TOM1L2: variants seen among roughly 807,000 people sequenced by gnomAD.
The protein encoded by TOM1L2 is target of myb1 like 2 membrane trafficking protein.
TOM1L2 carries 31 observed loss-of-function variants against 67.9 expected under a neutral mutation model. That is an observed-to-expected ratio of 0.46 (90% CI 0.34 to 0.62). TOM1L2 has a LOEUF of 0.62. Ranked by LOEUF, TOM1L2 falls within the 20% of genes least tolerant of loss-of-function variation. TOM1L2 has a pLI of 0.01. For synonymous variants in TOM1L2, 256 were observed against 254.0 expected, an observed-to-expected ratio of 1.01 and a Z score of -0.07; for missense variants, 606 against 663.5, an observed-to-expected ratio of 0.91 and a Z score of 0.95.
intron 4 of TOM1L2, among the ~76,000 whole-genome samples, chr17:17,889,688 A>G (rs752144027): frequency 2.2e-4 from 34 of 152,172 alleles, no homozygotes; most frequent in Non-Finnish European, 1.5e-5. Flanking sequence ...CTACTTTTCC[A>G]TAATGGAAAG....
chr17:17,869,073 G>A (rs1043060531), intron 8 of TOM1L2: 20 of 491,202 alleles, frequency 4.1e-5, no homozygotes, highest in African/African-American at 3.7e-4. Context: ...TGGCGGGGCA[G>A]TGGGGAAAGG....
chr17:17,875,023 G>A (rs754834329), intron 7 of TOM1L2, among the ~76,000 whole-genome samples: 2 of 152,092 alleles, frequency 1.3e-5, no homozygotes, highest in African/African-American at 2.4e-5. Context: ...TTGAGAGGCC[G>A]AGGTTGGTGG....
At chr17:17,928,402 G>A (rs8073001) in intron 1 of TOM1L2, among the ~76,000 whole-genome samples, 1 of 151,986 alleles carries the variant, frequency 6.6e-6, no homozygotes, top group African/African-American at 2.4e-5. Context: ...AGTGGAAATC[G>A]GCATAGGAAT....
At chr17:17,874,025 G>A (rs2037293398) in intron 7 of TOM1L2, among the ~76,000 whole-genome samples, 1 of 151,270 alleles carries the variant, frequency 6.6e-6, no homozygotes, top group East Asian at 1.9e-4. Context: ...GCACAATCTC[G>A]GCTCACTGCA....
At chr17:17,904,329 G>A (rs865805901) in intron 2 of TOM1L2, among the ~76,000 whole-genome samples, 1 of 152,186 alleles carries the variant, frequency 6.6e-6, no homozygotes, top group Non-Finnish European at 1.5e-5. Context: ...AGCTCCTGGG[G>A]TTCCTGGGCT....
At chr17:17,971,144 G>A (rs954905794) in intron 1 of TOM1L2, among the ~76,000 whole-genome samples, 1 of 152,194 alleles carries the variant, frequency 6.6e-6, no homozygotes, top group Admixed American at 6.5e-5. Flanking sequence ...TCTCTACATT[G>A]CCAACAAAAG....
chr17:17,967,266 A>C (rs904950528), intron 1 of TOM1L2, among the ~76,000 whole-genome samples: 1 of 152,260 alleles, frequency 6.6e-6, no homozygotes, highest in African/African-American at 2.4e-5. Context: ...TTATTAAAGC[A>C]GAACAATGAA....
At chr17:17,945,267 TACACACAC>T (rs143501362) in intron 1 of TOM1L2, among the ~76,000 whole-genome samples, 71 of 147,058 alleles carry the variant, frequency 4.8e-4, no homozygotes, top group African/African-American at 1.6e-3. Flanking sequence ...CACACACACA[TACACACAC>T]ACACACACAC....
At chr17:17,963,485 G>A (rs957028800) in intron 1 of TOM1L2, among the ~76,000 whole-genome samples, 2 of 152,188 alleles carry the variant, frequency 1.3e-5, no homozygotes, top group African/African-American at 4.8e-5. Flanking sequence ...CTTGAGCCAG[G>A]AAACCTTGGG....
intron 7 of TOM1L2, among the ~76,000 whole-genome samples, chr17:17,871,506 C>T (rs367888650): frequency 1.1e-4 from 17 of 152,060 alleles, no homozygotes; most frequent in East Asian, 9.7e-4. Context: ...CCCATCTCTA[C>T]GAAAAAATAC....
At chr17:17,926,026 C>T (rs1335648462) in intron 1 of TOM1L2, among the ~76,000 whole-genome samples, 1 of 151,910 alleles carries the variant, frequency 6.6e-6, no homozygotes, top group Non-Finnish European at 1.5e-5. Flanking sequence ...TAAAAATTAG[C>T]AGGGCTCAGT....
At chr17:17,951,072 T>C (rs141965541) in intron 1 of TOM1L2, among the ~76,000 whole-genome samples, 3 of 152,268 alleles carry the variant, frequency 2.0e-5, no homozygotes, top group African/African-American at 7.2e-5. Flanking sequence ...AGGGCTTTAG[T>C]GTGGGGCAGA....
intron 1 of TOM1L2, among the ~76,000 whole-genome samples, chr17:17,914,458 C>A (rs982555220): frequency 1.6e-4 from 24 of 152,212 alleles, no homozygotes; most frequent in African/African-American, 5.5e-4. Flanking sequence ...CTGCTCCTTG[C>A]TGGCTTTATG....
At chr17:17,947,600 C>T (rs539089165) in intron 1 of TOM1L2, among the ~76,000 whole-genome samples, 18 of 152,318 alleles carry the variant, frequency 1.2e-4, no homozygotes, top group African/African-American at 4.3e-4. Context: ...GATTTTCAGC[C>T]TCCAGAACTA....
At chr17:17,912,601 A>G (rs2039436307) in intron 1 of TOM1L2, among the ~76,000 whole-genome samples, 1 of 150,080 alleles carries the variant, frequency 6.7e-6, no homozygotes, top group Admixed American at 6.6e-5. Flanking sequence ...GGCCGGGCAG[A>G]GACGCTCTTC....
At chr17:17,956,776 G>T (rs750983349) in intron 1 of TOM1L2, among the ~76,000 whole-genome samples, 21 of 152,190 alleles carry the variant, frequency 1.4e-4, no homozygotes, top group Non-Finnish European at 2.6e-4. Flanking sequence ...TGCTGGGCCC[G>T]CTGAGCTCAC....
At chr17:17,895,438 T>C (rs1391999094) in intron 3 of TOM1L2, among the ~76,000 whole-genome samples, 1 of 152,228 alleles carries the variant, frequency 6.6e-6, no homozygotes, top group Admixed American at 6.5e-5. Flanking sequence ...GAAAGGTCCA[T>C]AACTGGAACA....
intron 12 of TOM1L2, among the ~76,000 whole-genome samples, chr17:17,855,809 C>A (rs1025166240): frequency 8.5e-5 from 13 of 152,176 alleles, no homozygotes; most frequent in African/African-American, 3.1e-4. Flanking sequence ...TCACTTCAAG[C>A]ACCACCCCAC....
chr17:17,940,192 CAAAAAAAAA>C (rs34433429), intron 1 of TOM1L2, among the ~76,000 whole-genome samples: 8 of 32,612 alleles, frequency 2.5e-4, no homozygotes, highest in African/African-American at 5.3e-4. Flanking sequence ...GACTCTATCT[CAAAAAAAAA>C]AAAAAAAAAA....
Sources: allele counts gnomAD v4.1 joint callset (sites outside exome capture counted in the v4.1 genomes callset), GRCh38; gene constraint gnomAD v4.1.1; transcripts MANE v1.5; gene names NCBI Gene and HGNC (gene_info 2026-07-23, HGNC 2026-07-21).